The following LCMT1 variants were observed in gnomAD, a reference collection of about 807,000 sequenced individuals.
LCMT1 encodes [Phosphatase 2A protein]-leucine-carboxy methyltransferase 1.
LCMT1 carries 32 observed loss-of-function variants against 47.7 expected under a neutral mutation model. The ratio of observed to expected loss-of-function variants is 0.67; its 90% CI spans 0.51 to 0.90. LCMT1 has a LOEUF of 0.90. LCMT1 is among the 40% of genes least tolerant of loss of function. The pLI is 0.00. For missense variants in LCMT1, 375 were observed against 415.2 expected, an observed-to-expected ratio of 0.90 and a Z score of 0.84; for synonymous variants, 152 against 149.7, an observed-to-expected ratio of 1.02 and a Z score of -0.11.
chr16:25,174,749 GT>G lies in LCMT1; in HGVS notation c.885-185del, dbSNP rs1961876101. The G allele has an allele frequency of 3.3e-5, 12 of 366,020 alleles. No homozygotes were observed. In the South Asian group the frequency reaches 9.6e-4, roughly 29 times the overall value. 22.7% of individuals were successfully genotyped at this position (366,020 alleles called of 1,614,324 possible). ...AGTTTGGCATTTGTATTTTGACTTTGTTTATGGTATTTTTTCTTCTTTTCAG... is the reference window on the plus strand; with the variant it reads ...AGTTTGGCATTTGTATTTTGACTTTGTTATGGTATTTTTTCTTCTTTTCAG... On this transcript the variant is annotated intron_variant, in intron 9 of 10. Coordinates refer to ENST00000399069, the MANE Select transcript of LCMT1 (RefSeq NM_016309.3).
chr16:25,162,098 A>G (rs1356361197), intron 6 of LCMT1, among the ~76,000 whole-genome samples: 2 of 152,190 alleles, frequency 1.3e-5, no homozygotes, highest in Non-Finnish European at 2.9e-5. Flanking sequence ...TATGTGTACC[A>G]TACATAGCAG....
chr16:25,161,289 A>G, intron 6 of LCMT1, 85 bp downstream of exon 6: 1 of 612,470 alleles, frequency 1.6e-6, no homozygotes, highest in East Asian at 2.9e-5. Flanking sequence ...ACAGCATGAT[A>G]TTCATGTTCC....
Position 25,132,240 on chromosome 16 carries a change from T to A in LCMT1, c.206-162T>A, listed in dbSNP as rs191021463. On this transcript the variant is annotated intron_variant, in intron 2 of 10. Coordinates refer to ENST00000399069, the MANE Select transcript of LCMT1 (RefSeq NM_016309.3). ...GATGCCTTTAACCAAAAAAAAAAAA[T>A]TTGAAAGTTGCTGTTTCTCCCATAG... 4.8e-3 allele frequency: 3,568 copies of A among 751,026 alleles called. 78 individuals carry two copies. The African/African-American group carries it at 0.056, about 12-fold the overall frequency. The allele number at this position is 751,026 out of a possible 1,614,324, so 46.5% of individuals were successfully genotyped here. A position where few individuals can be genotyped will look rare whatever the true frequency, so the allele number is the denominator to read the frequency against.
At chr16:25,145,660 C>T (rs751773109) in intron 4 of LCMT1, 3 of 152,200 alleles carry the variant, frequency 2.0e-5, no homozygotes, top group Non-Finnish European at 4.4e-5. Context: ...CTCCATTAGG[C>T]TTTTTAACAG....
At chr16:25,160,971 A>C in intron 5 of LCMT1, 131 bp from the exon 6 acceptor site, 13 of 552,870 alleles carry the variant, frequency 2.4e-5, no homozygotes, top group Non-Finnish European at 2.2e-5. Context: ...GTTAATTTTT[A>C]CCCTCCTCTT....
chr16:25,176,037 C>G (rs1191356739), intron 10 of LCMT1, among the ~76,000 whole-genome samples: 1 of 152,168 alleles, frequency 6.6e-6, no homozygotes, highest in Non-Finnish European at 1.5e-5. Context: ...ATGTTAAACG[C>G]ACAGATCAGT....
intron 2 of LCMT1, among the ~76,000 whole-genome samples, chr16:25,130,526 C>G (rs1033814490): frequency 2.6e-5 from 4 of 152,060 alleles, no homozygotes; most frequent in African/African-American, 9.7e-5. Context: ...TGGCATGTGC[C>G]TGTAGTCCCA....
At chr16:25,132,587 A>ATAT in intron 3 of LCMT1, 64 bp downstream of exon 3, 1 of 1,542,678 alleles carries the variant, frequency 6.5e-7, no homozygotes, top group Admixed American at 1.8e-5. Context: ...ATTTTCACCT[A>ATAT]ATTCGAAATG....
intron 2 of LCMT1, among the ~76,000 whole-genome samples, chr16:25,131,587 A>AT (rs1054362328): frequency 6.6e-6 from 1 of 152,224 alleles, no homozygotes; most frequent in South Asian, 2.1e-4. Context: ...ATGCTATCAG[A>AT]TTTTTTTCTT....
rs1434579218 is a variant in LCMT1, at chr16:25,120,731, G to GTTTTTTTT, written c.114-7737_114-7736insTTTTTTTT. Among the ~76,000 whole-genome samples, 17 of 132,466 alleles carry GTTTTTTTT rather than the reference G, an allele frequency of 1.3e-4. 2 individuals carry two copies. Among genetic ancestry groups the GTTTTTTTT allele is most frequent in the African/African-American group, 4.9e-4 (17 of 34,364 alleles). 86.9% of individuals were successfully genotyped at this position (132,466 alleles called of 152,430 possible). A position where few individuals can be genotyped will look rare whatever the true frequency, so the allele number is the denominator to read the frequency against. On this transcript the variant is annotated intron_variant, in intron 1 of 10. Transcript: ENST00000399069. ...GGCGTGAGACACCGCACCTGGCCTTGTTTTTTTGTTTTTTTTTTTTGTTTT... is the reference window on the plus strand; with the variant it reads ...GGCGTGAGACACCGCACCTGGCCTTGTTTTTTTTTTTTTTTGTTTTTTTTTTTTGTTTT...
At chr16:25,113,614 A>G (rs1959697196) in intron 1 of LCMT1, among the ~76,000 whole-genome samples, 1 of 152,224 alleles carries the variant, frequency 6.6e-6, no homozygotes, top group African/African-American at 2.4e-5. Flanking sequence ...AAAGTCTTAG[A>G]GAGAGTCCCT....
intron 1 of LCMT1, among the ~76,000 whole-genome samples, chr16:25,115,733 A>G (rs1959763944): frequency 6.6e-6 from 1 of 152,214 alleles, no homozygotes; most frequent in African/African-American, 2.4e-5. Context: ...GCTGGAGTGC[A>G]GTGGCGCGAT....
chr16:25,156,366 C>G (rs1296749662), intron 5 of LCMT1, among the ~76,000 whole-genome samples: 1 of 152,192 alleles, frequency 6.6e-6, no homozygotes. Flanking sequence ...AGAGCAGTGC[C>G]TAGTGCACAG....
chr16:25,151,974 G>A (rs1195289076), intron 5 of LCMT1, among the ~76,000 whole-genome samples: 9 of 152,054 alleles, frequency 5.9e-5, no homozygotes, highest in Non-Finnish European at 1.0e-4. Context: ...TTTATGAAGG[G>A]CGAACTGTGT....
intron 6 of LCMT1, among the ~76,000 whole-genome samples, chr16:25,161,658 C>G (rs1313909011): frequency 6.6e-6 from 1 of 152,092 alleles, no homozygotes; most frequent in African/African-American, 2.4e-5. Flanking sequence ...CAATACTGTT[C>G]AAGTCTGTTT....
chr16:25,163,664 C>A (rs1374851475), intron 6 of LCMT1, among the ~76,000 whole-genome samples: 3 of 152,050 alleles, frequency 2.0e-5, no homozygotes, highest in Non-Finnish European at 4.4e-5. Flanking sequence ...TGTTTCATTA[C>A]TCTTGGGGTA....
At chr16:25,166,960 A>G (rs1961607685) in intron 7 of LCMT1, among the ~76,000 whole-genome samples, 1 of 152,346 alleles carries the variant, frequency 6.6e-6, no homozygotes, top group East Asian at 1.9e-4. Context: ...CTGGGGAAAC[A>G]TTCCACTGTC....
rs774734861 is a variant in LCMT1, at chr16:25,128,450, C to T, written c.114-25C>T. 13 of 1,556,842 alleles carry T rather than the reference C, an allele frequency of 8.4e-6. No homozygotes were observed. In the East Asian group the frequency reaches 2.5e-4, roughly 30 times the overall value. On this transcript the variant is annotated intron_variant, in intron 1 of 10. Coordinates refer to ENST00000399069, the MANE Select transcript of LCMT1 (RefSeq NM_016309.3). ...CTGAACCTACTCAATCTCTACTCAC[C>T]TTCCTCCTTTTTTCTCCCTTCCAGG...
chr16:25,125,838 G>GTAGTAATAATAA (rs1555481702), intron 1 of LCMT1: 13 of 154,376 alleles, frequency 8.4e-5, no homozygotes, highest in African/African-American at 2.3e-4. Context: ...ATCTCTAATA[G>GTAGTAATAATAA]TAATAATAAT....
Sources: allele counts gnomAD v4.1 joint callset (sites outside exome capture counted in the v4.1 genomes callset), GRCh38; gene constraint gnomAD v4.1.1; transcripts MANE v1.5; gene names NCBI Gene and HGNC (gene_info 2026-07-23, HGNC 2026-07-21).